The following PHC3 variants were observed in gnomAD, a reference collection of about 807,000 sequenced individuals.
PHC3 encodes polyhomeotic homolog 3, also known as polyhomeotic-like protein 3.
Under a neutral mutation model 107.4 loss-of-function variants are expected in PHC3, and 13 were observed. The ratio of observed to expected loss-of-function variants is 0.12; its 90% CI spans 0.08 to 0.19. The LOEUF is 0.19. Ranked by LOEUF, PHC3 falls within the 10% of genes least tolerant of loss-of-function variation. The pLI, the probability that PHC3 is intolerant of heterozygous loss-of-function variation, is 1.00. For missense variants in PHC3, 992 were observed against 1,210.9 expected (o/e 0.82, Z 2.68); for synonymous variants, 456 against 427.4 (o/e 1.07, Z -0.83).
chr3:170,145,015 T>C (rs911214632), intron 6 of PHC3, among the ~76,000 whole-genome samples: 1 of 152,242 alleles, frequency 6.6e-6, no homozygotes, highest in East Asian at 1.9e-4. Context: ...ACCAATTTTT[T>C]AAATTTTAAA....
chr3:170,098,803 TGAAA>T (rs1715003598), intron 14 of PHC3, among the ~76,000 whole-genome samples: 1 of 152,172 alleles, frequency 6.6e-6, no homozygotes, highest in South Asian at 2.1e-4. Flanking sequence ...TCTCAGACTT[TGAAA>T]AATTGACATT....
rs1715732820 is a variant in PHC3 at position 170,102,808 on chromosome 3, A to G, written c.2595T>C (p.Leu865=). 1 of 1,613,824 alleles carries G rather than the reference A, an allele frequency of 6.2e-7. No individual in the cohort carries two copies. The highest frequency in any genetic ancestry group is 1.3e-5 in the African/African-American group (1 of 74,934). ...AAGCAAGGTTTATACAGACCTGCCTAAGGATATGTTCTCTCGCTGCCCCAT... is the reference window on the plus strand; with the variant it reads ...AAGCAAGGTTTATACAGACCTGCCTGAGGATATGTTCTCTCGCTGCCCCAT... The part of the protein sequence containing the change: ...GPDGAAREHI[L]RQLPITYPSA... The change falls in exon 13 of 15, where the codon CTT becomes CTC. Residue 865 remains leucine, a synonymous_variant. Coordinates refer to ENST00000495893, the MANE Select transcript of PHC3 (RefSeq NM_024947.4).
Position 170,113,427 on chromosome 3 carries a change from C to T in PHC3, c.2286G>A (p.Glu762=), listed in dbSNP as rs772117141. The change falls in exon 11 of 15, where the codon GAG becomes GAA. Residue 762 remains glutamate, a synonymous_variant. Transcript: ENST00000495893. ...QVINSVCVQP[E]LQNNTKHADN... ...CCGCATGTTTTGTATTATTCTGTAG[C>T]TCTGGCTGAACACACACTGAATTTA... is the stretch of plus-strand genomic sequence containing the variant. The T allele has an allele frequency of 3.1e-6, 5 of 1,613,316 alleles. No homozygotes were observed. In the South Asian group the frequency reaches 4.4e-5, roughly 14 times the overall value.
Position 170,161,325 on chromosome 3 carries a change from T to C in PHC3, c.414+10048A>G, listed in dbSNP as rs552498442. On this transcript the variant is annotated intron_variant, in intron 4 of 14. Transcript: ENST00000495893. ...ATCTGTCAGTCTATGGAGGCTGCCA[T>C]AATAAAATACCACACACTGGGTCAC... is the stretch of plus-strand genomic sequence containing the variant. Among the ~76,000 whole-genome samples the C allele has an allele frequency of 2.0e-5, 3 of 152,292 alleles. No individual in the cohort carries two copies. The East Asian group carries it at 5.8e-4, about 29-fold the overall frequency.
chr3:170,134,340 C>A (rs1273234966), intron 7 of PHC3, among the ~76,000 whole-genome samples: 1 of 151,980 alleles, frequency 6.6e-6, no homozygotes, highest in Non-Finnish European at 1.5e-5. Flanking sequence ...CAGGTGCCGG[C>A]CACTACGCAC....
intron 14 of PHC3, among the ~76,000 whole-genome samples, chr3:170,099,251 G>C (rs1223676852): frequency 6.6e-6 from 1 of 152,122 alleles, no homozygotes; most frequent in Non-Finnish European, 1.5e-5. Flanking sequence ...AACAGTAAAT[G>C]TATTAGCAAA....
At chr3:170,169,160 T>A (rs1428116155) in intron 4 of PHC3, among the ~76,000 whole-genome samples, 1 of 152,170 alleles carries the variant, frequency 6.6e-6, no homozygotes, top group East Asian at 1.9e-4. Context: ...ATGACTGGAC[T>A]TTGGACTTGA....
rs1713656839 is a variant in PHC3 at position 170,087,943 on chromosome 3, A to T, written c.*9287T>A. On this transcript the variant is annotated 3_prime_UTR_variant, in exon 15 of 15. Coordinates refer to ENST00000495893, the MANE Select transcript of PHC3 (RefSeq NM_024947.4). ...TGCTTTCTCTTTTTTAAAAAAATAC[A>T]CCAAATGGACACTTTTTACATAGAT... 1 of 152,192 alleles carries T rather than the reference A, an allele frequency of 6.6e-6. No homozygotes were observed. Among genetic ancestry groups the T allele is most frequent in the South Asian group, 2.1e-4 (1 of 4,834 alleles). The allele number at this position is 152,192 out of a possible 1,614,324, so 9.4% of individuals were successfully genotyped here.
intron 12 of PHC3, among the ~76,000 whole-genome samples, chr3:170,103,825 G>A (rs1560022566): frequency 6.6e-6 from 1 of 152,192 alleles, no homozygotes; most frequent in East Asian, 1.9e-4. Context: ...GCCAAGGTGG[G>A]TGGATTACTT....
In PHC3 at chr3:170,121,847, G is replaced by A. The variant is rs1315818415; in HGVS notation, c.1942+744C>T. On this transcript the variant is annotated intron_variant, in intron 9 of 14. Transcript: ENST00000495893. ...AATAGTCTGACACATGAATGTGAATGAGCATATGAAACATGTCTGCACAAA... is the reference window on the plus strand; with the variant it reads ...AATAGTCTGACACATGAATGTGAATAAGCATATGAAACATGTCTGCACAAA... Among the ~76,000 whole-genome samples the A allele has an allele frequency of 2.0e-5, 3 of 152,172 alleles. No homozygotes were observed. In the East Asian group the frequency reaches 5.8e-4, roughly 29 times the overall value.
rs138139583 is a variant in PHC3 at position 170,154,581 on chromosome 3, GAAGTA to G, written c.415-5342_415-5338del. Among the ~76,000 whole-genome samples, 105 of 152,244 alleles carry G rather than the reference GAAGTA, an allele frequency of 6.9e-4. 1 individual carries two copies. The highest frequency in any genetic ancestry group is 2.4e-3 in the African/African-American group (100 of 41,552). On this transcript the variant is annotated intron_variant, in intron 4 of 14. Transcript: ENST00000495893. ...AACAAGCTGGAGAATGCTTTTTAAG[GAAGTA>G]TAGTACAAAGTACAAACAGAATGCT...
intron 9 of PHC3, 30 bp from the exon 10 acceptor site, chr3:170,117,506 A>C: frequency 6.3e-7 from 1 of 1,581,292 alleles, no homozygotes; most frequent in African/African-American, 1.4e-5. Context: ...GTCATTTAAA[A>C]ATTTTTTTAG....
rs369667850 is a variant in PHC3 at position 170,149,077 on chromosome 3, A to T, written c.573+9T>A. The stretch of plus-strand genomic sequence containing the variant: ...AAACACTGAAAAAATTTGGTAGCTC[A>T]TATCTTACCATTTGAGCTCGGAGAT... On this transcript the variant is annotated intron_variant, in intron 5 of 14. Coordinates refer to ENST00000495893, the MANE Select transcript of PHC3 (RefSeq NM_024947.4). The T allele has an allele frequency of 6.2e-7, 1 of 1,610,828 alleles. No individual in the cohort carries two copies. Among genetic ancestry groups the T allele is most frequent in the Non-Finnish European group, 8.5e-7 (1 of 1,178,694 alleles).
At chr3:170,125,371 A>C (rs889487992) in intron 8 of PHC3, among the ~76,000 whole-genome samples, 1 of 152,214 alleles carries the variant, frequency 6.6e-6, no homozygotes. Context: ...TTAGTGTCAG[A>C]GATGTTAATT....
chr3:170,116,061 T>C (rs1718907512), intron 10 of PHC3, among the ~76,000 whole-genome samples: 1 of 152,198 alleles, frequency 6.6e-6, no homozygotes, highest in African/African-American at 2.4e-5. Flanking sequence ...AGGAAAAATG[T>C]TTATCTCTAG....
intron 14 of PHC3, chr3:170,102,036 T>G: frequency 1.5e-6 from 1 of 657,712 alleles, no homozygotes; most frequent in East Asian, 1.4e-4. Context: ...AAGGTTTTGA[T>G]TAGCTTTCAA....
chr3:170,121,676 A>C (rs1720350728), intron 9 of PHC3, among the ~76,000 whole-genome samples: 1 of 152,162 alleles, frequency 6.6e-6, no homozygotes, highest in African/African-American at 2.4e-5. Flanking sequence ...GAATTTTTTT[A>C]ATCCATGTCT....
At chr3:170,138,935 A>C (rs1473911745) in intron 6 of PHC3, among the ~76,000 whole-genome samples, 1 of 152,060 alleles carries the variant, frequency 6.6e-6, no homozygotes, top group Non-Finnish European at 1.5e-5. Flanking sequence ...ATCTTTTCTC[A>C]AAGCTGTCTT....
At chr3:170,125,146 T>C (rs1721041524) in intron 8 of PHC3, among the ~76,000 whole-genome samples, 1 of 152,174 alleles carries the variant, frequency 6.6e-6, no homozygotes. Flanking sequence ...CTAAGAGAGA[T>C]TCTGTGCCTC....
Sources: gnomAD v4.1 joint callset for allele counts (sites outside exome capture counted in the v4.1 genomes callset) on GRCh38, gnomAD v4.1.1 for gene constraint, MANE v1.5 for transcripts, NCBI Gene and HGNC (gene_info 2026-07-23, HGNC 2026-07-21) for gene names.